PRDM16: variants seen among roughly 807,000 people sequenced by gnomAD.
PRDM16 encodes the protein PR/SET domain 16, also known as histone-lysine N-methyltransferase PRDM16.
PRDM16 carries 23 observed loss-of-function variants against 110.6 expected under a neutral mutation model. That is an observed-to-expected ratio of 0.21 (90% CI 0.15 to 0.29). The LOEUF (loss-of-function observed/expected upper bound fraction) is 0.29, where lower values mean the gene tolerates loss of function less well. Ranked by LOEUF, PRDM16 falls within the 10% of genes least tolerant of loss-of-function variation. The pLI, the probability that PRDM16 is intolerant of heterozygous loss-of-function variation, is 1.00. For missense variants in PRDM16, 1,615 were observed against 1,794.3 expected (o/e 0.90, Z 1.81); for synonymous variants, 799 against 781.8 (o/e 1.02, Z -0.37).
At chr1:3,426,831 C>T (rs534701447) in intron 14 of PRDM16, among the ~76,000 whole-genome samples, 3 of 152,270 alleles carry the variant, frequency 2.0e-5, no homozygotes, top group East Asian at 1.9e-4. Flanking sequence ...CAGGGCAGGA[C>T]GTGCCTGGGG....
Position 3,431,951 on chromosome 1 carries a change from C to T in PRDM16, c.3522-15C>T, listed in dbSNP as rs768576120. 3.9e-5 allele frequency: 62 copies of T among 1,607,434 alleles called. 1 individual carries two copies. Among genetic ancestry groups the T allele is most frequent in the Middle Eastern group, 4.0e-4 (2 of 5,002 alleles). Reference sequence around the variant, plus strand: ...GCTGACAGCAGGCCTTCCCTCTCCCCGGTCATTGGTGCAGGTGTGCTGAGG... The same window carrying T: ...GCTGACAGCAGGCCTTCCCTCTCCCTGGTCATTGGTGCAGGTGTGCTGAGG... On this transcript the variant is annotated splice_polypyrimidine_tract_variant and intron_variant, in intron 15 of 16. Coordinates refer to ENST00000270722, the MANE Select transcript of PRDM16 (RefSeq NM_022114.4).
intron 1 of PRDM16, among the ~76,000 whole-genome samples, chr1:3,142,715 T>C (rs980331142): frequency 6.6e-6 from 1 of 151,228 alleles, no homozygotes; most frequent in African/African-American, 2.4e-5. Flanking sequence ...GGTAATTACC[T>C]GGATGTGGAC....
chr1:3,300,514 G>T (rs1350329629), intron 3 of PRDM16, among the ~76,000 whole-genome samples: 3 of 152,186 alleles, frequency 2.0e-5, no homozygotes, highest in African/African-American at 7.2e-5. Flanking sequence ...ATGATGTGCT[G>T]TGGCCGTGAT....
intron 3 of PRDM16, among the ~76,000 whole-genome samples, chr1:3,323,687 G>A (rs974730647): frequency 9.2e-5 from 14 of 152,230 alleles, no homozygotes; most frequent in Non-Finnish European, 7.3e-5. Context: ...GGGAGCGGCC[G>A]CACTTCCCCG....
intron 2 of PRDM16, among the ~76,000 whole-genome samples, chr1:3,242,369 C>T (rs1398755173): frequency 2.0e-5 from 3 of 152,220 alleles, no homozygotes; most frequent in Non-Finnish European, 4.4e-5. Context: ...TTTCTCTGCC[C>T]GGGGCGGCTC....
chr1:3,181,438 GCAGTCTTACA>G lies in PRDM16; in HGVS notation c.38-4685_38-4676del, dbSNP rs879317995. On this transcript the variant is annotated intron_variant, in intron 1 of 16. Coordinates refer to ENST00000270722, the MANE Select transcript of PRDM16 (RefSeq NM_022114.4). ...GTCTTACACACGCGGTCTTACACAA[GCAGTCTTACA>G]CGGTCTTACACACGGTCTTACACAC... Among the ~76,000 whole-genome samples, 85 of 32,864 alleles carry G rather than the reference GCAGTCTTACA, an allele frequency of 2.6e-3. 22 individuals are homozygous for G. Among genetic ancestry groups the G allele is most frequent in the Non-Finnish European group, 3.8e-3 (50 of 13,176 alleles). The allele number at this position is 32,864 out of a possible 152,430, so 21.6% of individuals were successfully genotyped here. A position where few individuals can be genotyped will look rare whatever the true frequency, so the allele number is the denominator to read the frequency against.
intron 1 of PRDM16, among the ~76,000 whole-genome samples, chr1:3,107,886 G>A (rs559085441): frequency 4.6e-5 from 7 of 152,258 alleles, no homozygotes; most frequent in Non-Finnish European, 5.9e-5. Context: ...TGTCTAGCCT[G>A]GGGCTGGGCT....
intron 3 of PRDM16, among the ~76,000 whole-genome samples, chr1:3,282,200 A>G (rs776365685): frequency 5.9e-5 from 9 of 152,200 alleles, no homozygotes; most frequent in Admixed American, 2.0e-4. Flanking sequence ...TAGAAGAGGC[A>G]TGTGCTCAGG....
intron 3 of PRDM16, among the ~76,000 whole-genome samples, chr1:3,349,926 C>T (rs1026803555): frequency 1.3e-5 from 2 of 152,222 alleles, no homozygotes; most frequent in Non-Finnish European, 2.9e-5. Context: ...TAGCTCTGCT[C>T]CCTCCCACCT....
At chr1:3,285,136 A>C (rs1215760821) in intron 3 of PRDM16, among the ~76,000 whole-genome samples, 1 of 152,118 alleles carries the variant, frequency 6.6e-6, no homozygotes, top group African/African-American at 2.4e-5. Flanking sequence ...GAGAGTCCCA[A>C]GGTCCTTGGT....
chr1:3,145,105 C>T (rs1643620831), intron 1 of PRDM16, among the ~76,000 whole-genome samples: 1 of 152,228 alleles, frequency 6.6e-6, no homozygotes, highest in African/African-American at 2.4e-5. Context: ...CACGCAGGGG[C>T]TGACCTGGCA....
Position 3,186,463 on chromosome 1 carries a change from T to A in PRDM16, c.376T>A (p.Phe126Ile). ...VPRAAAKETD[F>I]GWEQILTDVE... is the part of the protein sequence containing the mutation. ...CCGGGCGGCGGCAAAGGAGACAGAC[T>A]TCGGATGGGAGGTGAGCGATCGCGC... The change falls in exon 2 of 17, where the codon TTC becomes ATC. Residue 126 changes from phenylalanine (F) to isoleucine (I), a missense_variant. Coordinates refer to ENST00000270722, the MANE Select transcript of PRDM16 (RefSeq NM_022114.4). 1 of 1,532,826 alleles carries A rather than the reference T, an allele frequency of 6.5e-7. No individual in the cohort carries two copies. The highest frequency in any genetic ancestry group is 1.3e-5 in the South Asian group (1 of 78,960). 95.0% of individuals were successfully genotyped at this position (1,532,826 alleles called of 1,614,324 possible). A position where few individuals can be genotyped will look rare whatever the true frequency, so the allele number is the denominator to read the frequency against.
intron 2 of PRDM16, among the ~76,000 whole-genome samples, chr1:3,240,056 A>AAGAGGAGAGGAGAGGAGAGGAGAGG (rs70938079): frequency 9.7e-5 from 10 of 103,408 alleles, no homozygotes; most frequent in Middle Eastern, 5.0e-3. Context: ...AGGAGAGGAG[A>AAGAGGAGAGGAGAGGAGAGGAGAGG]AGAGGAGAGG....
At chr1:3,161,168 G>A (rs936557579) in intron 1 of PRDM16, among the ~76,000 whole-genome samples, 1 of 152,298 alleles carries the variant, frequency 6.6e-6, no homozygotes, top group Middle Eastern at 3.4e-3. Flanking sequence ...GAGCAGGAAG[G>A]AGCCAGCGCG....
intron 3 of PRDM16, among the ~76,000 whole-genome samples, chr1:3,364,292 G>A (rs1642770419): frequency 6.6e-6 from 1 of 152,178 alleles, no homozygotes; most frequent in Admixed American, 6.5e-5. Context: ...TATTGTGGGT[G>A]GTTTATCGGT....
chr1:3,422,278 G>C (rs1638460394), intron 12 of PRDM16, among the ~76,000 whole-genome samples: 1 of 151,628 alleles, frequency 6.6e-6, no homozygotes, highest in African/African-American at 2.4e-5. Context: ...TGGACAGACA[G>C]ATGGACAGAC....
intron 1 of PRDM16, among the ~76,000 whole-genome samples, chr1:3,079,456 C>A (rs114432575): frequency 6.6e-6 from 1 of 152,032 alleles, no homozygotes; most frequent in Admixed American, 6.5e-5. Flanking sequence ...GGGTCCCTTT[C>A]GGAGGGAAGC....
intron 3 of PRDM16, among the ~76,000 whole-genome samples, chr1:3,343,677 A>G (rs1462417584): frequency 6.6e-6 from 1 of 152,022 alleles, no homozygotes; most frequent in Admixed American, 6.6e-5. Flanking sequence ...TCTGTCACCC[A>G]GCCTGGAGTG....
chr1:3,104,240 A>G (rs779651473), intron 1 of PRDM16, among the ~76,000 whole-genome samples: 36 of 152,322 alleles, frequency 2.4e-4, no homozygotes, highest in Non-Finnish European at 3.8e-4. Context: ...GTGGGGACCC[A>G]GGAGGCGGCC....
Sources: gnomAD v4.1 joint callset for allele counts (sites outside exome capture counted in the v4.1 genomes callset) on GRCh38, gnomAD v4.1.1 for gene constraint, MANE v1.5 for transcripts, NCBI Gene and HGNC (gene_info 2026-07-23, HGNC 2026-07-21) for gene names.